Variants in PIWIL4 observed in about 807,000 individuals in gnomAD.
PIWIL4 encodes piwi-like protein 4.
Under a neutral mutation model 100.9 loss-of-function variants are expected in PIWIL4, and 50 were observed. The observed-to-expected ratio is 0.50, with a 90% CI of 0.39 to 0.63. The LOEUF (loss-of-function observed/expected upper bound fraction) is 0.63. PIWIL4 is among the 20% of genes least tolerant of loss of function. PIWIL4 has a pLI of 0.00. For synonymous variants in PIWIL4, 342 were observed against 367.5 expected, an observed-to-expected ratio of 0.93 and a Z score of 0.79; for missense variants, 887 against 1,043.3, an observed-to-expected ratio of 0.85 and a Z score of 2.06.
At chr11:94,585,251 C>T (rs566089954) in intron 5 of PIWIL4, among the ~76,000 whole-genome samples, 194 bp from the exon 6 acceptor site, 110 of 152,250 alleles carry the variant, frequency 7.2e-4, no homozygotes, top group African/African-American at 2.6e-3. Flanking sequence ...TTGTAGTATT[C>T]TCAAATATGA....
chr11:94,589,255 T>A, intron 8 of PIWIL4, 23 bp downstream of exon 8: 3 of 1,531,836 alleles, frequency 2.0e-6, no homozygotes, highest in South Asian at 2.2e-5. Context: ...TTCATGCATC[T>A]CTATCTCCTT....
intron 13 of PIWIL4, among the ~76,000 whole-genome samples, chr11:94,605,792 A>G (rs1018678474): frequency 6.6e-6 from 1 of 152,102 alleles, no homozygotes; most frequent in Non-Finnish European, 1.5e-5. Flanking sequence ...CTATTTTGTT[A>G]TAGTCCATTA....
At chr11:94,589,359 C>G in intron 8 of PIWIL4, 127 bp downstream of exon 8, 2 of 715,188 alleles carry the variant, frequency 2.8e-6, no homozygotes, top group Non-Finnish European at 4.7e-6. Flanking sequence ...TCTGACTTGT[C>G]TCTCTCCTTC....
intron 15 of PIWIL4, among the ~76,000 whole-genome samples, chr11:94,614,869 C>T (rs991958997): frequency 6.6e-6 from 1 of 152,150 alleles, no homozygotes; most frequent in Non-Finnish European, 1.5e-5. Flanking sequence ...TGTCAAGAGG[C>T]TCTCATCTGT....
At chr11:94,572,520 TCCCAGCA>T (rs1948171907) in intron 2 of PIWIL4, among the ~76,000 whole-genome samples, 1 of 152,234 alleles carries the variant, frequency 6.6e-6, no homozygotes, top group Non-Finnish European at 1.5e-5. Flanking sequence ...TAGCCAGTTT[TCCCAGCA>T]CCACTTATTA....
intron 3 of PIWIL4, 42 bp downstream of exon 3, chr11:94,575,172 T>C (rs1341377424): frequency 5.0e-6 from 8 of 1,599,888 alleles, no homozygotes; most frequent in Non-Finnish European, 6.0e-6. Flanking sequence ...TGTTACCAAA[T>C]CTTGCTTAAG....
chr11:94,573,784 T>A (rs1025717608), intron 2 of PIWIL4, among the ~76,000 whole-genome samples: 5 of 152,212 alleles, frequency 3.3e-5, no homozygotes, highest in African/African-American at 1.2e-4. Context: ...CCATTTAAAT[T>A]ACTTTTAAAT....
chr11:94,618,213 A>G, intron 17 of PIWIL4, 106 bp downstream of exon 17: 1 of 1,182,432 alleles, frequency 8.5e-7, no homozygotes, highest in Non-Finnish European at 1.2e-6. Context: ...TATGCAATTA[A>G]GTTTTGCTGT....
rs375654697 is a variant in PIWIL4 at position 94,601,386 on chromosome 11, A to G, written c.1381-409A>G. On this transcript the variant is annotated intron_variant, in intron 11 of 19. Transcript: ENST00000299001. The stretch of plus-strand genomic sequence containing the variant: ...TTTATTATGATGACCTAGAGTATTG[A>G]TAATCAGCATTCTCTGAGATATTTA... 7.9e-5 allele frequency among the ~76,000 whole-genome samples: 12 copies of G among 152,272 alleles called. No homozygotes were observed. The South Asian group carries it at 2.1e-3, about 26-fold the overall frequency.
At position 94,601,661 on chromosome 11, in the gene PIWIL4, C is replaced by T. The variant is rs575038369; in HGVS notation, c.1381-134C>T. Reference sequence around the variant, plus strand: ...ATTCTGTTCGGATGTGCAGTGCCTGCATCTGTGTTTTAAGACTGAATAGCA... The same window carrying T: ...ATTCTGTTCGGATGTGCAGTGCCTGTATCTGTGTTTTAAGACTGAATAGCA... On this transcript the variant is annotated intron_variant, in intron 11 of 19. Transcript: ENST00000299001. 3 of 830,648 alleles carry T rather than the reference C, an allele frequency of 3.6e-6. No homozygotes were observed. In the South Asian group the frequency reaches 4.4e-5, roughly 12 times the overall value. The allele number at this position is 830,648 out of a possible 1,614,324, so 51.5% of individuals were successfully genotyped here.
At chr11:94,608,731 A>C (rs1948754442) in intron 15 of PIWIL4, 45 bp downstream of exon 15, 1 of 1,508,178 alleles carries the variant, frequency 6.6e-7, no homozygotes, top group African/African-American at 1.4e-5. Context: ...TAGTTAGACT[A>C]TTAATTGTGG....
intron 12 of PIWIL4, among the ~76,000 whole-genome samples, chr11:94,602,360 C>A (rs1330831669): frequency 6.6e-6 from 1 of 152,136 alleles, no homozygotes; most frequent in Non-Finnish European, 1.5e-5. Flanking sequence ...ACAGAAGTTG[C>A]ATGTCCTGAC....
At position 94,608,718 on chromosome 11, in the gene PIWIL4, A is replaced by C. The variant is rs184248795; in HGVS notation, c.1943+32A>C. Reference sequence around the variant, plus strand: ...CTAAAACTACCTGAACACATGCTTCATTTAGTTAGACTATTAATTGTGGTT... The same window carrying C: ...CTAAAACTACCTGAACACATGCTTCCTTTAGTTAGACTATTAATTGTGGTT... On this transcript the variant is annotated intron_variant, in intron 15 of 19. Coordinates refer to ENST00000299001, the MANE Select transcript of PIWIL4 (RefSeq NM_152431.3). The C allele has an allele frequency of 1.6e-5, 24 of 1,544,402 alleles. No individual in the cohort carries two copies. In the African/African-American group the frequency reaches 3.0e-4, roughly 19 times the overall value.
At chr11:94,570,949 C>G (rs1015041245) in intron 2 of PIWIL4, among the ~76,000 whole-genome samples, 1 of 152,140 alleles carries the variant, frequency 6.6e-6, no homozygotes, top group African/African-American at 2.4e-5. Flanking sequence ...CTCTTTTGTT[C>G]TGACCCCGGT....
At chr11:94,574,240 A>C (rs551331214) in intron 2 of PIWIL4, among the ~76,000 whole-genome samples, 1 of 152,194 alleles carries the variant, frequency 6.6e-6, no homozygotes. Flanking sequence ...CTTAGGGGGA[A>C]TGACCTAGAA....
chr11:94,614,680 C>T (rs1375120161), intron 15 of PIWIL4, among the ~76,000 whole-genome samples: 18 of 152,154 alleles, frequency 1.2e-4, no homozygotes, highest in Admixed American at 1.2e-3. Context: ...GTCATTTCTT[C>T]CAGTCTTTAT....
At chr11:94,591,117 T>C (rs1948479810) in intron 8 of PIWIL4, among the ~76,000 whole-genome samples, 2 of 152,218 alleles carry the variant, frequency 1.3e-5, no homozygotes, top group Admixed American at 6.5e-5. Context: ...GTGGAGACCA[T>C]GCTCCTCCTT....
In PIWIL4 at chr11:94,568,258, A is replaced by T. The variant is rs111701313; in HGVS notation, c.88-472A>T. 4.1e-3 allele frequency among the ~76,000 whole-genome samples: 620 copies of T among 152,250 alleles called. 6 individuals are homozygous for T. The highest frequency in any genetic ancestry group is 0.014 in the African/African-American group (572 of 41,538). ...ATGGAGTAACTTCTTGAACAAAGAG[A>T]AGTAGTTACTATGAAAAGAGAAAAT... is the stretch of plus-strand genomic sequence containing the variant. On this transcript the variant is annotated intron_variant, in intron 1 of 19. Coordinates refer to ENST00000299001, the MANE Select transcript of PIWIL4 (RefSeq NM_152431.3).
rs1373356996 is a variant in PIWIL4 at position 94,601,775 on chromosome 11, A to G, written c.1381-20A>G. On this transcript the variant is annotated intron_variant, in intron 11 of 19. Coordinates refer to ENST00000299001, the MANE Select transcript of PIWIL4 (RefSeq NM_152431.3). ...CTGAATAAATTTGTTCAATCCTTTC[A>G]TGATCATTATTTTTCTCAGTGTCAA... The G allele has an allele frequency of 1.2e-5, 19 of 1,610,380 alleles. No individual in the cohort carries two copies. Among genetic ancestry groups the G allele is most frequent in the Non-Finnish European group, 1.6e-5 (19 of 1,178,022 alleles).
Sources: gnomAD v4.1 joint callset for allele counts (sites outside exome capture counted in the v4.1 genomes callset) on GRCh38, gnomAD v4.1.1 for gene constraint, MANE v1.5 for transcripts, NCBI Gene and HGNC (gene_info 2026-07-23, HGNC 2026-07-21) for gene names.